Variants in OR14I1 observed in about 807,000 individuals in gnomAD.
OR14I1 encodes olfactory receptor family 14 subfamily I member 1.
For missense variants in OR14I1, 279 were observed against 181.8 expected, an observed-to-expected ratio of 1.53 and a Z score of -3.07; for synonymous variants, 118 against 71.1, an observed-to-expected ratio of 1.66 and a Z score of -3.32.
chr1:248,695,926 G>A, the OR14I1 span, among the ~76,000 whole-genome samples: 1 of 152,198 alleles, frequency 6.6e-6, no homozygotes, highest in Non-Finnish European at 1.5e-5. Flanking sequence ...GAGAATTGCA[G>A]CACTGAGAAA....
chr1:248,695,393 C>T, the OR14I1 span, among the ~76,000 whole-genome samples: 4 of 151,820 alleles, frequency 2.6e-5, no homozygotes, highest in Non-Finnish European at 5.9e-5. Flanking sequence ...GCCACCACGC[C>T]CAGCTAATTT....
the OR14I1 span, among the ~76,000 whole-genome samples, chr1:248,693,899 T>TA: frequency 0.024 from 3,141 of 132,254 alleles, 45 homozygotes; most frequent in Admixed American, 0.066. Flanking sequence ...CAGAACTTTT[T>TA]AAAAAAAAAA....
the OR14I1 span, among the ~76,000 whole-genome samples, chr1:248,688,698 C>G: frequency 6.6e-6 from 1 of 152,140 alleles, no homozygotes; most frequent in Non-Finnish European, 1.5e-5. Flanking sequence ...TGGGGCATAG[C>G]AAAGATCATG....
the OR14I1 span, among the ~76,000 whole-genome samples, chr1:248,700,575 T>C: frequency 6.6e-6 from 1 of 152,234 alleles, no homozygotes; most frequent in African/African-American, 2.4e-5. Flanking sequence ...AAATTCCAAC[T>C]AAATGTGATT....
chr1:248,694,154 T>G, the OR14I1 span, among the ~76,000 whole-genome samples: 1 of 152,302 alleles, frequency 6.6e-6, no homozygotes, highest in Admixed American at 6.5e-5. Context: ...TGACCACTTG[T>G]TTCCTCAAAA....
At chr1:248,695,942 A>T in the OR14I1 span, among the ~76,000 whole-genome samples, 1 of 152,202 alleles carries the variant, frequency 6.6e-6, no homozygotes, top group East Asian at 1.9e-4. Context: ...AGAAATCTGG[A>T]TCCTGGTCTC....
chr1:248,694,250 C>G, the OR14I1 span, among the ~76,000 whole-genome samples: 1 of 126,384 alleles, frequency 7.9e-6, no homozygotes, highest in South Asian at 2.2e-4. Context: ...TTTTCTGTAA[C>G]AAGCCTTTTT....
chr1:248,696,029 A>T, the OR14I1 span, among the ~76,000 whole-genome samples: 3 of 152,108 alleles, frequency 2.0e-5, no homozygotes, highest in African/African-American at 7.2e-5. Context: ...GGACACGCCA[A>T]TGCTGAAGTT....
chr1:248,696,188 A>G, the OR14I1 span, among the ~76,000 whole-genome samples: 3 of 152,156 alleles, frequency 2.0e-5, no homozygotes, highest in South Asian at 6.2e-4. Context: ...GTCACATACT[A>G]CTCATCCCAT....
upstream of OR14I1, among the ~76,000 whole-genome samples, chr1:248,686,606 T>C (rs1359524223): frequency 1.7e-5 from 2 of 119,728 alleles, 1 homozygote; most frequent in East Asian, 5.6e-4. Flanking sequence ...GAAAAAAATA[T>C]GAAACATAAT....
the OR14I1 span, among the ~76,000 whole-genome samples, chr1:248,696,878 C>G: frequency 1.6e-4 from 24 of 152,060 alleles, no homozygotes; most frequent in African/African-American, 5.6e-4. Flanking sequence ...TTATTGGATG[C>G]GTTTGAAAGT....
At chr1:248,694,412 A>G in the OR14I1 span, among the ~76,000 whole-genome samples, 1 of 151,888 alleles carries the variant, frequency 6.6e-6, no homozygotes, top group African/African-American at 2.4e-5. Flanking sequence ...CCCCAACACA[A>G]CTCCTGTTTA....
At chr1:248,678,223 G>A (rs954530068), downstream of OR14I1, among the ~76,000 whole-genome samples, 1 of 152,310 alleles carries the variant, frequency 6.6e-6, no homozygotes, top group South Asian at 2.1e-4. Context: ...ATATAAATAA[G>A]CTAAGGTATC....
the OR14I1 span, among the ~76,000 whole-genome samples, chr1:248,688,206 T>G: frequency 6.6e-6 from 1 of 152,208 alleles, no homozygotes; most frequent in Non-Finnish European, 1.5e-5. Context: ...ATGCTTTAAT[T>G]TGCCCAAACC....
chr1:248,691,005 C>G, the OR14I1 span, among the ~76,000 whole-genome samples: 9 of 152,172 alleles, frequency 5.9e-5, no homozygotes, highest in African/African-American at 2.2e-4. Flanking sequence ...ATGATTATCT[C>G]AATAGATGCA....
At chr1:248,684,775 T>C (rs5001445), upstream of OR14I1, among the ~76,000 whole-genome samples, 1,492 of 134,232 alleles carry the variant, frequency 0.011, 19 homozygotes, top group South Asian at 0.037. Context: ...TATATATATA[T>C]ATACACACAC....
chr1:248,701,149 C>A, the OR14I1 span, among the ~76,000 whole-genome samples: 1 of 152,044 alleles, frequency 6.6e-6, no homozygotes, highest in African/African-American at 2.4e-5. Flanking sequence ...TGATTTTACA[C>A]ACTTTTAACT....
the OR14I1 span, among the ~76,000 whole-genome samples, chr1:248,695,794 A>C: frequency 3.3e-5 from 5 of 152,194 alleles, no homozygotes; most frequent in Non-Finnish European, 7.3e-5. Context: ...ATATGTCACA[A>C]TACTTAAAAG....
chr1:248,698,875 C>T, the OR14I1 span: 1 of 152,110 alleles, frequency 6.6e-6, no homozygotes, highest in Admixed American at 6.6e-5. Context: ...GTGACGTAGC[C>T]ATTGAAATGA....
Sources: gnomAD v4.1 joint callset for allele counts (sites outside exome capture counted in the v4.1 genomes callset) on GRCh38, gnomAD v4.1.1 for gene constraint, MANE v1.5 for transcripts, NCBI Gene and HGNC (gene_info 2026-07-23, HGNC 2026-07-21) for gene names.